The following RBP4 variants were observed in gnomAD, a reference collection of about 807,000 sequenced individuals.
RBP4 encodes the protein retinol-binding protein 4.
A neutral mutation model predicts 26.2 loss-of-function variants in RBP4; 9 were observed. The ratio of observed to expected loss-of-function variants is 0.34; its 90% confidence interval spans 0.21 to 0.60. RBP4 has a LOEUF of 0.60. Among genes scored for constraint, RBP4 ranks in the 20% least tolerant of loss-of-function variants. The pLI, the probability that RBP4 is intolerant of heterozygous loss-of-function variation, is 0.80. For synonymous variants in RBP4, 114 were observed against 111.0 expected, an observed-to-expected ratio of 1.03 and a Z score of -0.17; for missense variants, 244 against 271.3, an observed-to-expected ratio of 0.90 and a Z score of 0.71.
intron 1 of RBP4, 33 bp downstream of exon 1, chr10:93,601,138 G>T (rs1256299654): frequency 2.2e-6 from 2 of 896,586 alleles, no homozygotes; most frequent in African/African-American, 2.0e-5. Context: ...GGCCCATCCC[G>T]CCGCCGGCCC....
chr10:93,600,224 C>T (rs1329821119), intron 4 of RBP4, among the ~76,000 whole-genome samples, 169 bp downstream of exon 4: 1 of 152,200 alleles, frequency 6.6e-6, no homozygotes, highest in Admixed American at 6.5e-5. Context: ...TAGGTAGCTG[C>T]TCCCAATCTT....
At chr10:93,599,179 G>A (rs550503723) in intron 4 of RBP4, among the ~76,000 whole-genome samples, 1 of 152,142 alleles carries the variant, frequency 6.6e-6, no homozygotes, top group Non-Finnish European at 1.5e-5. Context: ...AGCCCAGGAG[G>A]TTGAGGCTGC....
intron 4 of RBP4, among the ~76,000 whole-genome samples, chr10:93,600,185 G>C (rs965285200): frequency 6.6e-6 from 1 of 152,208 alleles, no homozygotes; most frequent in Admixed American, 6.5e-5. Context: ...CTTAGGCCAG[G>C]TTTCTTGAGC....
At chr10:93,595,315 G>T (rs2058296338) in intron 4 of RBP4, among the ~76,000 whole-genome samples, 1 of 151,988 alleles carries the variant, frequency 6.6e-6, no homozygotes, top group Non-Finnish European at 1.5e-5. Context: ...GTCACTGTAT[G>T]GACACTCCCA....
In RBP4 at chr10:93,591,803, C is replaced by T. The variant is rs867871220; in HGVS notation, c.*272G>A. On this transcript the variant is annotated 3_prime_UTR_variant, in exon 6 of 6. Transcript: ENST00000371464. The stretch of plus-strand genomic sequence containing the variant: ...GAAGCGCACCCCACCCATCCGTCTG[C>T]AGCACAGACATAAACACAAATGAAA... The T allele has an allele frequency of 1.9e-5, 9 of 471,198 alleles. No individual in the cohort carries two copies. Among genetic ancestry groups the T allele is most frequent in the African/African-American group, 1.2e-4 (6 of 51,174 alleles). 29.2% of individuals were successfully genotyped at this position (471,198 alleles called of 1,614,324 possible).
chr10:93,593,631 G>A (rs1454134126), intron 5 of RBP4, among the ~76,000 whole-genome samples, 192 bp downstream of exon 5: 1 of 152,218 alleles, frequency 6.6e-6, no homozygotes, highest in Non-Finnish European at 1.5e-5. Context: ...ACCCACACCT[G>A]CATGAGCCCT....
intron 4 of RBP4, among the ~76,000 whole-genome samples, chr10:93,596,293 T>C (rs564014654): frequency 6.6e-6 from 1 of 152,032 alleles, no homozygotes; most frequent in Non-Finnish European, 1.5e-5. Context: ...TTTAGTAAAA[T>C]TGGCTACTGT....
intron 5 of RBP4, among the ~76,000 whole-genome samples, chr10:93,592,736 T>C (rs1242564497): frequency 1.3e-5 from 2 of 152,168 alleles, no homozygotes; most frequent in Admixed American, 1.3e-4. Context: ...CAAAATCAAT[T>C]TGATTTTGGT....
Position 93,592,104 on chromosome 10 carries a change from C to G in RBP4, c.577G>C (p.Asp193His). Reference sequence around the variant, plus strand: ...AAAAGGTTTCTTTCTGATCTGCCATCGCAGTAACCTGGAAAATACAAAACA... The same window carrying G: ...AAAAGGTTTCTTTCTGATCTGCCATGGCAGTAACCTGGAAAATACAAAACA... Reference protein sequence around the residue: ...YRLIVHNGYCDGRSERNLL With the variant: ...YRLIVHNGYCHGRSERNLL Residue 193 changes from aspartate to histidine, a missense_variant, in exon 6 of 6, where the codon GAT becomes CAT. Physicochemically the swap from Asp to His is moderately conservative, Grantham distance 81. Transcript: ENST00000371464. 1 of 1,614,092 alleles carries G rather than the reference C, an allele frequency of 6.2e-7. No individual in the cohort carries two copies. The highest frequency in any genetic ancestry group is 8.5e-7 in the Non-Finnish European group (1 of 1,179,976).
In RBP4 at chr10:93,592,084, G is replaced by T. The variant is rs752939815; in HGVS notation, c.597C>A (p.Asn199Lys). Reference protein sequence around the residue: ...NGYCDGRSERNLL With the variant: ...NGYCDGRSERKLL Reference sequence around the variant, plus strand: ...TAGATTCTTGATATTGCTACAAAAGGTTTCTTTCTGATCTGCCATCGCAGT... The same window carrying T: ...TAGATTCTTGATATTGCTACAAAAGTTTTCTTTCTGATCTGCCATCGCAGT... The change falls in exon 6 of 6, where the codon AAC becomes AAA. Residue 199 changes from asparagine to lysine, a missense_variant. Physicochemically the swap from Asn to Lys is moderately conservative, Grantham distance 94 (BLOSUM62 0). Transcript: ENST00000371464. 2 of 1,613,896 alleles carry T rather than the reference G, an allele frequency of 1.2e-6. No homozygotes were observed. Among genetic ancestry groups the T allele is most frequent in the Admixed American group, 1.7e-5 (1 of 60,010 alleles).
At chr10:93,599,989 G>A (rs115984006) in intron 4 of RBP4, among the ~76,000 whole-genome samples, 3 of 152,040 alleles carry the variant, frequency 2.0e-5, no homozygotes, top group African/African-American at 7.2e-5. Flanking sequence ...GGGCTCTCTC[G>A]GCCTCTGTGG....
chr10:93,600,473 A>G lies in RBP4; in HGVS notation c.275T>C (p.Val92Ala). 6.2e-7 allele frequency: 1 copy of G among 1,614,102 alleles called. No homozygotes were observed. Among genetic ancestry groups the G allele is most frequent in the Non-Finnish European group, 8.5e-7 (1 of 1,180,028 alleles). ...LNNWDVCADM[V>A]GTFTDTEDPA... The stretch of plus-strand genomic sequence containing the variant: ...GTCCTCGGTGTCTGTGAAGGTGCCC[A>G]CCATGTCTGCGCACACGTCCCAGTT... Residue 92 changes from valine (V) to alanine (A), a missense_variant, in exon 4 of 6, where the codon GTG (valine) becomes GCG (alanine). By Grantham distance (64) the Val-to-Ala change is moderately conservative (BLOSUM62 0). Coordinates refer to ENST00000371464, the MANE Select transcript of RBP4 (RefSeq NM_006744.4).
chr10:93,591,945 G>A lies in RBP4; in HGVS notation c.*130C>T, dbSNP rs549818745. Reference sequence around the variant, plus strand: ...CACTGACCCCCACGTGTATCTTTATGTGTAATGAAGGTTTTATGGGAACTG... The same window carrying A: ...CACTGACCCCCACGTGTATCTTTATATGTAATGAAGGTTTTATGGGAACTG... On this transcript the variant is annotated 3_prime_UTR_variant, in exon 6 of 6. Transcript: ENST00000371464. The A allele has an allele frequency of 7.5e-6, 6 of 801,138 alleles. No individual in the cohort carries two copies. In the African/African-American group the frequency reaches 8.5e-5, roughly 11 times the overall value. The allele number at this position is 801,138 out of a possible 1,614,324, so 49.6% of individuals were successfully genotyped here.
At chr10:93,600,882 A>ACCTGGGCCGCCTGGGCCC (rs1289319473) in intron 2 of RBP4, 36 bp downstream of exon 2, 3 of 1,607,732 alleles carry the variant, frequency 1.9e-6, no homozygotes, top group Non-Finnish European at 2.5e-6. Context: ...TGGGGTGGGG[A>ACCTGGGCCGCCTGGGCCC]CCTGGGCCGC....
upstream of RBP4, chr10:93,601,472 C>T: frequency 4.4e-6 from 4 of 917,732 alleles, no homozygotes; most frequent in Non-Finnish European, 6.2e-6. Flanking sequence ...AATGCGCCAG[C>T]GGCCCTGGCT....
intron 4 of RBP4, among the ~76,000 whole-genome samples, chr10:93,594,868 C>T: frequency 6.6e-6 from 1 of 152,136 alleles, no homozygotes; most frequent in South Asian, 2.1e-4. Context: ...GGCCGGGCAC[C>T]ATGGCTCGTG....
chr10:93,598,976 TG>T (rs374040725), intron 4 of RBP4, among the ~76,000 whole-genome samples: 2 of 152,328 alleles, frequency 1.3e-5, no homozygotes, highest in African/African-American at 4.8e-5. Flanking sequence ...CTACCAGGTA[TG>T]GTGGCTCATA....
chr10:93,594,081 G>C (rs2058287023), intron 4 of RBP4, 46 bp from the exon 5 acceptor site: 1 of 1,578,918 alleles, frequency 6.3e-7, no homozygotes, highest in African/African-American at 1.3e-5. Context: ...TTTCCCTCAT[G>C]GGCTCAGATG....
upstream of RBP4, chr10:93,601,451 C>T: frequency 5.5e-6 from 6 of 1,089,096 alleles, no homozygotes; most frequent in Non-Finnish European, 7.4e-6. Flanking sequence ...GGGGTGGCCT[C>T]GGCCAGGCCA....
Sources: gnomAD v4.1 joint callset for allele counts (sites outside exome capture counted in the v4.1 genomes callset) on GRCh38, gnomAD v4.1.1 for gene constraint, MANE v1.5 for transcripts, NCBI Gene and HGNC (gene_info 2026-07-23, HGNC 2026-07-21) for gene names.